Variants in TRDN observed in about 807,000 individuals in gnomAD.
TRDN encodes the protein triadin.
Under a neutral mutation model 149.7 loss-of-function variants are expected in TRDN, and 161 were observed. The ratio of observed to expected loss-of-function variants is 1.08; its 90% CI spans 0.95 to 1.23. TRDN has a LOEUF of 1.23. TRDN is among the 50% of genes most tolerant of loss of function. The probability of loss-of-function intolerance (pLI) is 0.00; values close to 1 mark genes in which losing one functional copy is unlikely to be tolerated. For missense variants in TRDN, 896 were observed against 823.5 expected (o/e 1.09, Z -1.08); for synonymous variants, 294 against 250.5 (o/e 1.17, Z -1.64).
rs200235279 is a variant in TRDN at position 123,499,715 on chromosome 6, AAAAAATAT to A, written c.794-2471_794-2464del. Among the ~76,000 whole-genome samples the A allele has an allele frequency of 6.1e-3, 359 of 59,096 alleles. 28 individuals are homozygous for A. In the East Asian group the frequency reaches 0.11, roughly 18 times the overall value. 38.8% of individuals were successfully genotyped at this position (59,096 alleles called of 152,430 possible). A position where few individuals can be genotyped will look rare whatever the true frequency, so the allele number is the denominator to read the frequency against. ...TGAGATTCTGGCTCAAAAAAAAAAA[AAAAAATAT>A]ATATATATATATATATATATAGTTA... On this transcript the variant is annotated intron_variant, in intron 8 of 40. Transcript: ENST00000334268.
chr6:123,341,037 T>C (rs1266872894), intron 21 of TRDN, among the ~76,000 whole-genome samples: 2 of 151,898 alleles, frequency 1.3e-5, no homozygotes, highest in African/African-American at 2.4e-5. Flanking sequence ...CAGGATATTT[T>C]TAAAAATATA....
chr6:123,456,952 G>A, intron 10 of TRDN: 1 of 411,962 alleles, frequency 2.4e-6, no homozygotes, highest in East Asian at 7.7e-5. Context: ...TGTTTTATAA[G>A]GAAAAATTGG....
chr6:123,449,813 G>A (rs1425994326), intron 10 of TRDN, among the ~76,000 whole-genome samples: 1 of 152,116 alleles, frequency 6.6e-6, no homozygotes, highest in Non-Finnish European at 1.5e-5. Flanking sequence ...TAAGAGCTGT[G>A]AGAGAAGCAC....
intron 4 of TRDN, among the ~76,000 whole-genome samples, chr6:123,539,332 T>C (rs147715308): frequency 2.8e-4 from 42 of 152,302 alleles, no homozygotes; most frequent in Non-Finnish European, 5.0e-4. Context: ...TCCCATATGA[T>C]GCTAACATTG....
In TRDN at chr6:123,381,397, G is replaced by A; in HGVS notation, c.1166-7C>T. 6.4e-7 allele frequency: 1 copy of A among 1,555,408 alleles called. No individual in the cohort carries two copies. Among genetic ancestry groups the A allele is most frequent in the East Asian group, 2.4e-5 (1 of 42,072 alleles). On this transcript the variant is annotated splice_region_variant and splice_polypyrimidine_tract_variant and intron_variant, in intron 15 of 40. Transcript: ENST00000334268. ...TTTCCCTTGGGTTGTTCTACTGAAA[G>A]AAATACAAACAAAATCATTGCTCTT...
At chr6:123,269,621 TA>T (rs1443022605) in intron 31 of TRDN, among the ~76,000 whole-genome samples, 1 of 151,960 alleles carries the variant, frequency 6.6e-6, no homozygotes, top group African/African-American at 2.4e-5. Context: ...CATTAATTAT[TA>T]ATCATTAATT....
chr6:123,472,849 G>A (rs1392363420), intron 9 of TRDN, among the ~76,000 whole-genome samples: 1 of 152,016 alleles, frequency 6.6e-6, no homozygotes, highest in African/African-American at 2.4e-5. Context: ...CACCTCACAC[G>A]GCAGGGTATT....
At chr6:123,234,830 T>C (rs1385946807) in intron 38 of TRDN, among the ~76,000 whole-genome samples, 1 of 152,082 alleles carries the variant, frequency 6.6e-6, no homozygotes, top group Non-Finnish European at 1.5e-5. Context: ...TGCTGATACA[T>C]GAAAAGTGGG....
chr6:123,330,535 T>G (rs547524347), intron 23 of TRDN, among the ~76,000 whole-genome samples: 12 of 152,062 alleles, frequency 7.9e-5, no homozygotes, highest in African/African-American at 2.9e-4. Context: ...AGCAATAAAC[T>G]AACTCTCTCA....
chr6:123,473,103 T>C (rs1777270920), intron 9 of TRDN, among the ~76,000 whole-genome samples: 1 of 152,192 alleles, frequency 6.6e-6, no homozygotes, highest in Non-Finnish European at 1.5e-5. Flanking sequence ...AGAATGACTT[T>C]GACAAGCTGA....
At chr6:123,407,694 T>G (rs973817915) in intron 12 of TRDN, among the ~76,000 whole-genome samples, 1 of 152,212 alleles carries the variant, frequency 6.6e-6, no homozygotes, top group African/African-American at 2.4e-5. Context: ...AATAAGTCCC[T>G]TGAATAAAAA....
chr6:123,629,603 C>T (rs1785867681), intron 1 of TRDN, among the ~76,000 whole-genome samples: 2 of 152,018 alleles, frequency 1.3e-5, no homozygotes. Flanking sequence ...TAGCTTCTGG[C>T]ACAGATAACA....
rs780443277 is a variant in TRDN, at chr6:123,255,897, C to CT, written c.1875dup (p.Ala626SerfsTer7). The CT allele has an allele frequency of 7.6e-7, 1 of 1,313,456 alleles. No individual in the cohort carries two copies. Among genetic ancestry groups the CT allele is most frequent in the Non-Finnish European group, 9.9e-7 (1 of 1,013,980 alleles). 81.4% of individuals were successfully genotyped at this position (1,313,456 alleles called of 1,614,324 possible). On this transcript the variant is annotated frameshift_variant, in exon 36 of 41. Coordinates refer to ENST00000334268, the MANE Select transcript of TRDN (RefSeq NM_006073.4). LOFTEE classifies it high-confidence loss of function. ...TCTTCTCTAAGATGCTTCATGTCTG[C>CT]TTTTTCTGTATAGAAGAAACAGTAA...
At chr6:123,353,437 G>C (rs1317796162) in intron 20 of TRDN, among the ~76,000 whole-genome samples, 1 of 151,816 alleles carries the variant, frequency 6.6e-6, no homozygotes, top group African/African-American at 2.4e-5. Flanking sequence ...CTGATGAGAT[G>C]CCGTGTAGCA....
intron 18 of TRDN, among the ~76,000 whole-genome samples, chr6:123,377,404 T>C (rs1195881460): frequency 1.3e-5 from 2 of 152,208 alleles, no homozygotes; most frequent in Non-Finnish European, 2.9e-5. Context: ...ACTGAGGGTC[T>C]TGTGAAGTTG....
intron 7 of TRDN, chr6:123,509,572 C>T (rs1779076417): frequency 6.6e-6 from 1 of 152,066 alleles, no homozygotes; most frequent in South Asian, 2.1e-4. Context: ...TCACCAACAA[C>T]CATATAGTGA....
At chr6:123,472,249 G>C (rs35724301) in intron 9 of TRDN, among the ~76,000 whole-genome samples, 3,982 of 152,134 alleles carry the variant, frequency 0.026, 101 homozygotes, top group South Asian at 0.047. Context: ...CAAAGCAGGG[G>C]GAGGCATTGC....
Position 123,548,713 on chromosome 6 carries a change from A to G in TRDN, c.233-101T>C, listed in dbSNP as rs1781242682. 2.9e-6 allele frequency: 3 copies of G among 1,038,472 alleles called. No individual in the cohort carries two copies. The South Asian group carries it at 1.1e-4, about 37-fold the overall frequency. The allele number at this position is 1,038,472 out of a possible 1,614,324, so 64.3% of individuals were successfully genotyped here. A position where few individuals can be genotyped will look rare whatever the true frequency, so the allele number is the denominator to read the frequency against. On this transcript the variant is annotated intron_variant, in intron 2 of 40. Transcript: ENST00000334268. ...CTGATTTGTTGTTTTGACAAAAAGA[A>G]TATGTCAATTTCAACATTCTAAATA...
At chr6:123,372,124 T>A (rs547923139) in intron 19 of TRDN, among the ~76,000 whole-genome samples, 2 of 152,240 alleles carry the variant, frequency 1.3e-5, no homozygotes, top group South Asian at 4.1e-4. Context: ...CCTATAGATC[T>A]TCCCGGAGAC....
Sources: gnomAD v4.1 joint callset for allele counts (sites outside exome capture counted in the v4.1 genomes callset) on GRCh38, gnomAD v4.1.1 for gene constraint, MANE v1.5 for transcripts, NCBI Gene and HGNC (gene_info 2026-07-23, HGNC 2026-07-21) for gene names.